Variants in ORC5 observed in about 807,000 individuals in gnomAD.
ORC5 encodes the protein origin recognition complex subunit 5, also known as protein phosphatase 1, regulatory subunit 117.
In ORC5, 39 loss-of-function variants were observed where a neutral mutation model predicts 58.8. The observed-to-expected ratio is 0.66, with a 90% CI of 0.51 to 0.87. The LOEUF is 0.87. ORC5 is among the 40% of genes least tolerant of loss of function. The pLI is 0.00. For missense variants in ORC5, 493 were observed against 506.3 expected (o/e 0.97, Z 0.25); for synonymous variants, 218 against 177.6 (o/e 1.23, Z -1.81).
intron 9 of ORC5, 75 bp downstream of exon 9, chr7:104,168,398 T>C (rs1467886803): frequency 6.4e-7 from 1 of 1,558,710 alleles, no homozygotes; most frequent in Non-Finnish European, 8.7e-7. Flanking sequence ...GAATGCTCTT[T>C]AGTATTAACT....
At chr7:104,145,293 C>T (rs55712225) in intron 12 of ORC5, among the ~76,000 whole-genome samples, 14,915 of 152,158 alleles carry the variant, frequency 0.098, 1,048 homozygotes, top group Non-Finnish European at 0.15. Flanking sequence ...AAAAGAGATA[C>T]ACAACAGTCA....
intron 11 of ORC5, among the ~76,000 whole-genome samples, chr7:104,163,839 A>G (rs998126188): frequency 2.6e-5 from 4 of 152,194 alleles, no homozygotes; most frequent in African/African-American, 9.6e-5. Flanking sequence ...TAATATTAAC[A>G]TATTAACTTC....
intron 8 of ORC5, among the ~76,000 whole-genome samples, chr7:104,176,355 C>A (rs920639887): frequency 6.6e-6 from 1 of 152,064 alleles, no homozygotes; most frequent in African/African-American, 2.4e-5. Context: ...ACAGGGAAAG[C>A]CTGGTTGCAT....
intron 13 of ORC5, among the ~76,000 whole-genome samples, chr7:104,135,197 G>A (rs1405964098): frequency 2.0e-5 from 3 of 152,132 alleles, no homozygotes; most frequent in South Asian, 2.1e-4. Flanking sequence ...TAAAATCCCT[G>A]AAATGAACAG....
intron 11 of ORC5, among the ~76,000 whole-genome samples, chr7:104,164,846 G>A (rs1272467114): frequency 1.3e-5 from 2 of 152,102 alleles, no homozygotes; most frequent in East Asian, 3.9e-4. Flanking sequence ...TACCTACCAT[G>A]CAATTGCAAA....
intron 10 of ORC5, chr7:104,165,490 C>T (rs1334340012): frequency 7.9e-6 from 3 of 378,420 alleles, no homozygotes; most frequent in African/African-American, 6.4e-5. Context: ...TATAAAATTA[C>T]TTTTGCATGT....
intron 8 of ORC5, among the ~76,000 whole-genome samples, chr7:104,171,759 TG>T (rs775166402): frequency 2.6e-5 from 4 of 152,048 alleles, no homozygotes; most frequent in Non-Finnish European, 4.4e-5. Context: ...GAGGCTCAGG[TG>T]GTAGGATCAC....
intron 8 of ORC5, among the ~76,000 whole-genome samples, chr7:104,170,347 T>C (rs1799189506): frequency 6.6e-6 from 1 of 152,202 alleles, no homozygotes; most frequent in Admixed American, 6.5e-5. Context: ...AAAAGGGACT[T>C]AGCAGATGTG....
chr7:104,156,709 A>C (rs547989836), intron 12 of ORC5, among the ~76,000 whole-genome samples: 1 of 151,992 alleles, frequency 6.6e-6, no homozygotes, highest in Non-Finnish European at 1.5e-5. Flanking sequence ...ATAATACATG[A>C]TCATCTCATA....
chr7:104,169,163 G>C (rs6951205), intron 8 of ORC5, among the ~76,000 whole-genome samples: 6,778 of 152,178 alleles, frequency 0.045, 501 homozygotes, highest in African/African-American at 0.15. Flanking sequence ...TACCGTATTA[G>C]ATGCAATTGT....
chr7:104,145,377 T>A (rs932065065), intron 12 of ORC5, among the ~76,000 whole-genome samples: 1 of 152,134 alleles, frequency 6.6e-6, no homozygotes, highest in Non-Finnish European at 1.5e-5. Flanking sequence ...AATAATAAAT[T>A]GAAATATTTT....
chr7:104,189,749 G>C (rs2116015916), intron 5 of ORC5, among the ~76,000 whole-genome samples: 1 of 152,098 alleles, frequency 6.6e-6, no homozygotes, highest in South Asian at 2.1e-4. Flanking sequence ...CTGTGTACCT[G>C]TTCATCTGGC....
rs930205219 is a variant in ORC5, at chr7:104,184,008, C to T, written c.759G>A (p.Leu253=). The T allele has an allele frequency of 3.1e-6, 5 of 1,613,478 alleles. No individual in the cohort carries two copies. In the African/African-American group the frequency reaches 4.0e-5, roughly 13 times the overall value. The change falls in exon 8 of 14, where the codon CTG becomes CTA. Residue 253 remains leucine, a synonymous_variant. Coordinates refer to ENST00000297431, the MANE Select transcript of ORC5 (RefSeq NM_002553.4). ...GEASERDTRK[L]WRNIEPHLKK... ...TCAAATGAGGTTCAATATTTCTCCA[C>T]AGTTTGCGAGTATCACGTTCACTTG...
chr7:104,152,766 A>C (rs1798866436), intron 12 of ORC5, among the ~76,000 whole-genome samples: 1 of 152,224 alleles, frequency 6.6e-6, no homozygotes, highest in African/African-American at 2.4e-5. Flanking sequence ...ACTTATTGGA[A>C]GTAACACTAA....
At chr7:104,155,451 A>G (rs1798908633) in intron 12 of ORC5, among the ~76,000 whole-genome samples, 1 of 151,506 alleles carries the variant, frequency 6.6e-6, no homozygotes, top group Admixed American at 6.6e-5. Flanking sequence ...CTCCTTTTCT[A>G]ATCTTTCAGC....
intron 8 of ORC5, among the ~76,000 whole-genome samples, chr7:104,168,803 C>T (rs1017429853): frequency 4.6e-5 from 7 of 152,182 alleles, no homozygotes; most frequent in Middle Eastern, 6.8e-3. Flanking sequence ...TCACCCAGGC[C>T]GGGTGTGGTG....
At chr7:104,205,719 C>A (rs1489538784) in intron 1 of ORC5, among the ~76,000 whole-genome samples, 4 of 152,086 alleles carry the variant, frequency 2.6e-5, no homozygotes, top group Non-Finnish European at 4.4e-5. Flanking sequence ...ATTAACTGGC[C>A]CAAAAATTCT....
At chr7:104,144,688 C>A (rs184611032) in intron 12 of ORC5, among the ~76,000 whole-genome samples, 1 of 152,048 alleles carries the variant, frequency 6.6e-6, no homozygotes, top group Non-Finnish European at 1.5e-5. Flanking sequence ...ACTTGGGAGG[C>A]GGAGATTGCA....
At chr7:104,205,083 ACT>A (rs1491498123) in intron 1 of ORC5, among the ~76,000 whole-genome samples, 4 of 91,102 alleles carry the variant, frequency 4.4e-5, no homozygotes, top group Admixed American at 1.0e-4. Context: ...TTTTAATAAT[ACT>A]CTTTTTTTTT....
Sources: allele counts gnomAD v4.1 joint callset (sites outside exome capture counted in the v4.1 genomes callset), GRCh38; gene constraint gnomAD v4.1.1; transcripts MANE v1.5; gene names NCBI Gene and HGNC (gene_info 2026-07-23, HGNC 2026-07-21).